The following SEMA3C variants were observed in gnomAD, a reference collection of about 807,000 sequenced individuals.
The protein encoded by SEMA3C is semaphorin 3C, also known as semaphorin-3C.
In SEMA3C, 47 loss-of-function variants were observed where a neutral mutation model predicts 89.4. The ratio of observed to expected loss-of-function variants is 0.53; its 90% CI spans 0.42 to 0.67. SEMA3C has a LOEUF of 0.67. SEMA3C is among the 30% of genes least tolerant of loss of function. The probability of loss-of-function intolerance (pLI) is 0.00; values close to 1 mark genes in which losing one functional copy is unlikely to be tolerated. For synonymous variants in SEMA3C, 310 were observed against 320.2 expected, an observed-to-expected ratio of 0.97 and a Z score of 0.34; for missense variants, 839 against 929.1, an observed-to-expected ratio of 0.90 and a Z score of 1.26.
intron 12 of SEMA3C, among the ~76,000 whole-genome samples, chr7:80,771,737 G>A (rs1224250155): frequency 2.0e-5 from 3 of 152,098 alleles, no homozygotes; most frequent in African/African-American, 7.2e-5. Flanking sequence ...GCTTTCCCCT[G>A]CGCTTCTGAG....
rs867535783 is a variant in SEMA3C at position 80,744,127 on chromosome 7, G to A, written c.*767C>T. 1 of 19,068 alleles carries A rather than the reference G, an allele frequency of 5.2e-5. No individual in the cohort carries two copies. Among genetic ancestry groups the A allele is most frequent in the East Asian group, 4.2e-3 (1 of 240 alleles). 1.2% of individuals were successfully genotyped at this position (19,068 alleles called of 1,614,324 possible). A position where few individuals can be genotyped will look rare whatever the true frequency, so the allele number is the denominator to read the frequency against. On this transcript the variant is annotated 3_prime_UTR_variant, in exon 18 of 18. Coordinates refer to ENST00000265361, the MANE Select transcript of SEMA3C (RefSeq NM_006379.5). Reference sequence around the variant, plus strand: ...AGTAGTGCCAGATTATATTCTTTGAGTCTAAAATAAATAACTTCCAAAAAA... The same window carrying A: ...AGTAGTGCCAGATTATATTCTTTGAATCTAAAATAAATAACTTCCAAAAAA...
chr7:80,912,005 T>A (rs984218744), intron 2 of SEMA3C, among the ~76,000 whole-genome samples: 3 of 152,114 alleles, frequency 2.0e-5, no homozygotes, highest in African/African-American at 7.2e-5. Flanking sequence ...TCTTCTAACT[T>A]CAGAACACTA....
At chr7:80,868,129 G>T (rs1034384756) in intron 2 of SEMA3C, among the ~76,000 whole-genome samples, 2 of 152,178 alleles carry the variant, frequency 1.3e-5, no homozygotes, top group African/African-American at 4.8e-5. Flanking sequence ...TGTAAGCAGG[G>T]ATTGCTGACT....
chr7:80,888,391 G>A (rs1371158535), intron 2 of SEMA3C, among the ~76,000 whole-genome samples: 1 of 152,074 alleles, frequency 6.6e-6, no homozygotes, highest in Non-Finnish European at 1.5e-5. Flanking sequence ...TAAGCCCAGG[G>A]AGGTAGAGGC....
intron 2 of SEMA3C, among the ~76,000 whole-genome samples, chr7:80,852,047 T>C (rs1790527294): frequency 2.0e-5 from 3 of 152,192 alleles, no homozygotes; most frequent in Non-Finnish European, 2.9e-5. Flanking sequence ...GTTACTCTTA[T>C]ACAGAGTTAC....
chr7:80,756,239 T>C (rs1223439182), intron 15 of SEMA3C, among the ~76,000 whole-genome samples: 1 of 152,340 alleles, frequency 6.6e-6, no homozygotes, highest in African/African-American at 2.4e-5. Flanking sequence ...TTCTGACAAC[T>C]TGGATCATTT....
chr7:80,787,398 A>T (rs1788830116), intron 12 of SEMA3C, among the ~76,000 whole-genome samples: 1 of 151,256 alleles, frequency 6.6e-6, no homozygotes, highest in Non-Finnish European at 1.5e-5. Flanking sequence ...TTTAAAAAAA[A>T]AAAAAAAAAA....
At position 80,875,524 on chromosome 7, in the gene SEMA3C, G is replaced by A. The variant is rs73374856; in HGVS notation, c.103+41155C>T. ...CAGTCGCCCTTAGTCAAGCACAATCGGAAAAAATTAAATGAAAAATTCCAA... is the reference window on the plus strand; with the variant it reads ...CAGTCGCCCTTAGTCAAGCACAATCAGAAAAAATTAAATGAAAAATTCCAA... On this transcript the variant is annotated intron_variant, in intron 2 of 17. Coordinates refer to ENST00000265361, the MANE Select transcript of SEMA3C (RefSeq NM_006379.5). Among the ~76,000 whole-genome samples, 27 of 151,950 alleles carry A rather than the reference G, an allele frequency of 1.8e-4. 1 individual carries two copies. The South Asian group carries it at 3.7e-3, about 21-fold the overall frequency.
intron 9 of SEMA3C, among the ~76,000 whole-genome samples, chr7:80,801,068 T>C (rs1011136141): frequency 4.6e-5 from 7 of 151,964 alleles, no homozygotes; most frequent in Admixed American, 1.3e-4. Flanking sequence ...TAAAATAATA[T>C]TATGGGGAAA....
chr7:80,840,550 G>C (rs937647799), intron 2 of SEMA3C, among the ~76,000 whole-genome samples: 1 of 147,972 alleles, frequency 6.8e-6, no homozygotes, highest in Non-Finnish European at 1.5e-5. Context: ...AAAAGAGCGA[G>C]AGAGAGAGAG....
chr7:80,842,328 G>A (rs1790288261), intron 2 of SEMA3C, among the ~76,000 whole-genome samples: 2 of 152,068 alleles, frequency 1.3e-5, no homozygotes, highest in African/African-American at 4.8e-5. Context: ...ATTTGGAGAT[G>A]GCATCACTCA....
intron 2 of SEMA3C, among the ~76,000 whole-genome samples, chr7:80,873,728 T>C (rs1791129076): frequency 6.6e-6 from 1 of 152,164 alleles, no homozygotes; most frequent in Admixed American, 6.5e-5. Flanking sequence ...GTGTTTCGTT[T>C]TTGATTTTAA....
At position 80,750,435 on chromosome 7, in the gene SEMA3C, C is replaced by CAT. The variant is rs71520704; in HGVS notation, c.1711+832_1711+833dup. Among the ~76,000 whole-genome samples the CAT allele has an allele frequency of 9.1e-3, 647 of 70,824 alleles. 3 individuals are homozygous for CAT. Among genetic ancestry groups the CAT allele is most frequent in the East Asian group, 0.012 (35 of 3,004 alleles). 46.5% of individuals were successfully genotyped at this position (70,824 alleles called of 152,430 possible). A position where few individuals can be genotyped will look rare whatever the true frequency, so the allele number is the denominator to read the frequency against. ...TATGGCTTACCTACATACATACGTA[C>CAT]ATATATATATATATATATATATATA... On this transcript the variant is annotated intron_variant, in intron 16 of 17. Coordinates refer to ENST00000265361, the MANE Select transcript of SEMA3C (RefSeq NM_006379.5).
At chr7:80,806,376 T>G (rs1252879318) in intron 6 of SEMA3C, among the ~76,000 whole-genome samples, 1 of 152,130 alleles carries the variant, frequency 6.6e-6, no homozygotes, top group Non-Finnish European at 1.5e-5. Flanking sequence ...GAGGCCACAT[T>G]ATAACTGTCA....
At chr7:80,878,947 G>A (rs1791265753) in intron 2 of SEMA3C, among the ~76,000 whole-genome samples, 1 of 152,128 alleles carries the variant, frequency 6.6e-6, no homozygotes, top group Non-Finnish European at 1.5e-5. Flanking sequence ...AAAGAAAAGA[G>A]TATTTTCAAG....
At chr7:80,759,246 A>G (rs941353425) in intron 14 of SEMA3C, among the ~76,000 whole-genome samples, 3 of 152,124 alleles carry the variant, frequency 2.0e-5, no homozygotes, top group African/African-American at 7.2e-5. Flanking sequence ...GATACTCCTT[A>G]CTTTCCAAAG....
chr7:80,866,280 T>C (rs1457190874), intron 2 of SEMA3C, among the ~76,000 whole-genome samples: 1 of 151,462 alleles, frequency 6.6e-6, no homozygotes, highest in Non-Finnish European at 1.5e-5. Context: ...AAAGACAAAC[T>C]ATCTTCTGAG....
chr7:80,846,469 G>A (rs1026030999), intron 2 of SEMA3C, among the ~76,000 whole-genome samples: 5 of 152,086 alleles, frequency 3.3e-5, no homozygotes, highest in African/African-American at 1.2e-4. Context: ...GGATCATCCC[G>A]CCTCAGCCTC....
intron 2 of SEMA3C, among the ~76,000 whole-genome samples, chr7:80,896,875 C>T (rs914491593): frequency 6.6e-6 from 1 of 152,160 alleles, no homozygotes; most frequent in Non-Finnish European, 1.5e-5. Flanking sequence ...ACCCAGCTTC[C>T]AATGTCTGCT....
Sources: allele counts gnomAD v4.1 joint callset (sites outside exome capture counted in the v4.1 genomes callset), GRCh38; gene constraint gnomAD v4.1.1; transcripts MANE v1.5; gene names NCBI Gene and HGNC (gene_info 2026-07-23, HGNC 2026-07-21).